GATAD2B: variants seen among roughly 807,000 people sequenced by gnomAD.
GATAD2B encodes GATA zinc finger domain containing 2B.
In GATAD2B, 8 loss-of-function variants were observed where a neutral mutation model predicts 64.3. That is an observed-to-expected ratio of 0.12 (90% CI 0.07 to 0.22). The LOEUF is 0.22. Among genes scored for constraint, GATAD2B ranks in the 10% least tolerant of loss-of-function variants. The pLI is 1.00. For missense variants in GATAD2B, 453 were observed against 752.0 expected (o/e 0.60, Z 4.65); for synonymous variants, 281 against 271.3 (o/e 1.04, Z -0.35).
At chr1:153,828,485 CACACACAA>C (rs1674963606) in intron 1 of GATAD2B, 137 bp from the exon 2 acceptor site, 2 of 531,258 alleles carry the variant, frequency 3.8e-6, no homozygotes, top group Admixed American at 3.3e-5. Context: ...CACACACACA[CACACACAA>C]AGTTCAAAGT....
Position 153,817,500 on chromosome 1 carries a change from G to A in GATAD2B, c.772C>T (p.His258Tyr). Residue 258 changes from histidine to tyrosine, a missense_variant, in exon 6 of 11, where the codon CAC becomes TAC. His to Tyr is a moderately conservative substitution (Grantham distance 83, BLOSUM62 2). This residue lies in a region of GATAD2B where 293 missense variants were observed against 417.2 expected (regional missense o/e 0.70). Transcript: ENST00000368655. ...IRSATNTTLP[H>Y]MLMSQRVIAP... ...ATAACACGTTGAGACATCAACATGTGTGGAAGGGTGGTATTGGTAGCTGAA... is the reference window on the plus strand; with the variant it reads ...ATAACACGTTGAGACATCAACATGTATGGAAGGGTGGTATTGGTAGCTGAA... The A allele has an allele frequency of 6.2e-7, 1 of 1,610,756 alleles. No homozygotes were observed. The highest frequency in any genetic ancestry group is 8.5e-7 in the Non-Finnish European group (1 of 1,178,830).
In GATAD2B at chr1:153,816,033, A is replaced by G. The variant is rs952009530; in HGVS notation, c.1216+240T>C. 4.7e-5 allele frequency among the ~76,000 whole-genome samples: 7 copies of G among 149,452 alleles called. No homozygotes were observed. Among genetic ancestry groups the G allele is most frequent in the African/African-American group, 1.7e-4 (7 of 40,504 alleles). ...GTGCCACTGCACTCCAGCCTGGGCA[A>G]CAGAGCGAGACTGCATCTCAAACAA... is the stretch of plus-strand genomic sequence containing the variant. On this transcript the variant is annotated intron_variant, in intron 7 of 10. Coordinates refer to ENST00000368655, the MANE Select transcript of GATAD2B (RefSeq NM_020699.4). The surrounding 1 kb of genome is among the most constrained non-coding windows in gnomAD (Gnocchi z 4.9).
intron 1 of GATAD2B, among the ~76,000 whole-genome samples, chr1:153,863,297 T>C (rs891947970): frequency 2.0e-5 from 3 of 151,772 alleles, no homozygotes; most frequent in Admixed American, 2.0e-4. Context: ...CCTGGCAAAA[T>C]GGTCTTGAAC....
chr1:153,838,707 A>C (rs1188411669), intron 1 of GATAD2B, among the ~76,000 whole-genome samples: 2 of 152,156 alleles, frequency 1.3e-5, no homozygotes, highest in African/African-American at 4.8e-5. Context: ...AATTGATAGG[A>C]GTTGGTGACT....
At chr1:153,864,876 C>G (rs2101924292) in intron 1 of GATAD2B, among the ~76,000 whole-genome samples, 1 of 151,870 alleles carries the variant, frequency 6.6e-6, no homozygotes, top group African/African-American at 2.4e-5. Context: ...CGAGACCAGC[C>G]AGGTCAACAT....
chr1:153,843,674 T>C (rs1318281086), intron 1 of GATAD2B, among the ~76,000 whole-genome samples: 1 of 152,020 alleles, frequency 6.6e-6, no homozygotes, highest in Non-Finnish European at 1.5e-5. Context: ...AATATACAAT[T>C]AGTTATCCAT....
chr1:153,913,508 C>A (rs1678166022), intron 1 of GATAD2B, among the ~76,000 whole-genome samples: 1 of 152,166 alleles, frequency 6.6e-6, no homozygotes, highest in African/African-American at 2.4e-5. Flanking sequence ...AGCTCAGTTA[C>A]AACTATCCTC....
chr1:153,830,800 G>A (rs1675053536), intron 1 of GATAD2B, among the ~76,000 whole-genome samples: 3 of 152,076 alleles, frequency 2.0e-5, no homozygotes. Context: ...TTGAGAGACA[G>A]GGTCTCACTC....
At chr1:153,845,991 T>C (rs1185177684) in intron 1 of GATAD2B, among the ~76,000 whole-genome samples, 2 of 146,664 alleles carry the variant, frequency 1.4e-5, no homozygotes, top group African/African-American at 2.5e-5. Flanking sequence ...TTTTTTGCCT[T>C]AAAGTTTGTC....
intron 1 of GATAD2B, among the ~76,000 whole-genome samples, chr1:153,908,122 T>C (rs1406251565): frequency 1.3e-5 from 2 of 152,060 alleles, no homozygotes; most frequent in African/African-American, 4.8e-5. Flanking sequence ...AAATTTTATG[T>C]TATGTACATT....
rs1157823275 is a variant in GATAD2B, at chr1:153,818,109, C to T, written c.660G>A (p.Gln220=). The change falls in exon 5 of 11, where the codon CAG becomes CAA. Residue 220 remains glutamine (Q), a synonymous_variant. Transcript: ENST00000368655. ...VQPSPAHVGQ[Q]GLSKLPSRPG... ...GCCGAGAGGGAAGCTTAGATAGGCC[C>T]TGCTGTCCCACATGGGCAGGAGATG... 1 of 1,613,214 alleles carries T rather than the reference C, an allele frequency of 6.2e-7. No homozygotes were observed. The highest frequency in any genetic ancestry group is 8.5e-7 in the Non-Finnish European group (1 of 1,179,460).
At chr1:153,829,564 C>A (rs1004423894) in intron 1 of GATAD2B, among the ~76,000 whole-genome samples, 3 of 150,562 alleles carry the variant, frequency 2.0e-5, no homozygotes, top group Non-Finnish European at 4.4e-5. Flanking sequence ...GGTGAAACCC[C>A]ATCTCTACTA....
At chr1:153,840,032 T>C (rs922894522) in intron 1 of GATAD2B, among the ~76,000 whole-genome samples, 1 of 142,482 alleles carries the variant, frequency 7.0e-6, no homozygotes, top group African/African-American at 2.6e-5. Context: ...CTTTCTTTTT[T>C]TTTTTTTTTT....
At chr1:153,870,641 G>A (rs899208723) in intron 1 of GATAD2B, among the ~76,000 whole-genome samples, 1 of 152,100 alleles carries the variant, frequency 6.6e-6, no homozygotes, top group African/African-American at 2.4e-5. Context: ...GCTGTCAAAT[G>A]CAGTCAAAAC....
At chr1:153,904,246 C>T (rs1165263994) in intron 1 of GATAD2B, among the ~76,000 whole-genome samples, 1 of 151,696 alleles carries the variant, frequency 6.6e-6, no homozygotes, top group Non-Finnish European at 1.5e-5. Flanking sequence ...CGCCACTACA[C>T]TCCAGCCTGG....
At chr1:153,915,429 T>C (rs1220974201) in intron 1 of GATAD2B, among the ~76,000 whole-genome samples, 1 of 151,550 alleles carries the variant, frequency 6.6e-6, no homozygotes, top group African/African-American at 2.4e-5. Context: ...TCCCAAAAAA[T>C]AAATAAATAA....
intron 1 of GATAD2B, among the ~76,000 whole-genome samples, chr1:153,864,645 G>A (rs1263300661): frequency 1.3e-5 from 2 of 151,836 alleles, no homozygotes; most frequent in Admixed American, 6.6e-5. Flanking sequence ...AAAAGAAAGA[G>A]ATGAAAGAGA....
rs148470438 is a variant in GATAD2B, at chr1:153,915,796, A to G, written c.-2+6937T>C. On this transcript the variant is annotated intron_variant, in intron 1 of 10. Transcript: ENST00000368655. ...AACCACTGTATTTGCTCACACATTA[A>G]CTATAAGGTACAGAAGTAGGGCTGG... is the stretch of plus-strand genomic sequence containing the variant. Among the ~76,000 whole-genome samples the G allele has an allele frequency of 3.0e-4, 45 of 152,070 alleles. No homozygotes were observed. In the East Asian group the frequency reaches 7.7e-3, roughly 26 times the overall value.
At chr1:153,909,274 C>T (rs1016836521) in intron 1 of GATAD2B, among the ~76,000 whole-genome samples, 6 of 151,534 alleles carry the variant, frequency 4.0e-5, no homozygotes, top group African/African-American at 9.7e-5. Context: ...AGTACAGTGG[C>T]GCAATCTGGG....
Sources: allele counts gnomAD v4.1 joint callset (sites outside exome capture counted in the v4.1 genomes callset), GRCh38; gene constraint gnomAD v4.1.1; regional missense constraint gnomAD v4.1.1; non-coding constraint Gnocchi (gnomAD v3.1); transcripts MANE v1.5; gene names NCBI Gene and HGNC (gene_info 2026-07-23, HGNC 2026-07-21).